CERS3: variants seen among roughly 807,000 people sequenced by gnomAD.
The protein encoded by CERS3 is ceramide synthase 3.
CERS3 carries 33 observed loss-of-function variants against 50.3 expected under a neutral mutation model. The observed-to-expected ratio is 0.66, with a 90% confidence interval of 0.50 to 0.88. The LOEUF (loss-of-function observed/expected upper bound fraction) is 0.88, where lower values mean the gene tolerates loss of function less well. Ranked by LOEUF, CERS3 falls within the 40% of genes least tolerant of loss-of-function variation. The pLI is 0.00. For missense variants in CERS3, 470 were observed against 460.3 expected (o/e 1.02, Z -0.19); for synonymous variants, 176 against 155.2 (o/e 1.13, Z -0.99).
intron 11 of CERS3, among the ~76,000 whole-genome samples, chr15:100,433,118 C>G (rs955992438): frequency 9.9e-5 from 15 of 151,912 alleles, no homozygotes; most frequent in Non-Finnish European, 1.9e-4. Context: ...TACCTGTAGT[C>G]CCAGCTGCTC....
upstream of CERS3, among the ~76,000 whole-genome samples, chr15:100,533,271 C>G (rs1014396844): frequency 6.6e-6 from 1 of 152,208 alleles, no homozygotes; most frequent in East Asian, 1.9e-4. Flanking sequence ...TACTGTATCT[C>G]TTATCTGCCT....
chr15:100,478,469 T>A (rs118117263), intron 7 of CERS3, among the ~76,000 whole-genome samples: 3,589 of 151,870 alleles, frequency 0.024, 61 homozygotes, highest in Middle Eastern at 0.092. Context: ...AGTATCAGTA[T>A]TTGGGCCAAT....
intron 4 of CERS3, among the ~76,000 whole-genome samples, chr15:100,486,143 T>C (rs1023224358): frequency 3.3e-5 from 5 of 152,162 alleles, no homozygotes; most frequent in African/African-American, 1.2e-4. Context: ...TCAAAGTAAA[T>C]TTAAACCAAT....
upstream of CERS3, among the ~76,000 whole-genome samples, chr15:100,530,837 C>G (rs982152453): frequency 2.0e-5 from 3 of 152,154 alleles, no homozygotes; most frequent in African/African-American, 4.8e-5. Flanking sequence ...AATCCCAGCA[C>G]TTTGGGAGGC....
chr15:100,541,030 T>C (rs1430219488), intron 1 of CERS3, among the ~76,000 whole-genome samples: 5 of 152,208 alleles, frequency 3.3e-5, no homozygotes, highest in African/African-American at 7.2e-5. Flanking sequence ...GTCCCTGCTT[T>C]CCAGCTACTG....
intron 11 of CERS3, among the ~76,000 whole-genome samples, chr15:100,414,584 T>C (rs940245645): frequency 2.6e-5 from 4 of 152,034 alleles, no homozygotes; most frequent in Non-Finnish European, 5.9e-5. Context: ...AACAGGCATA[T>C]AGACCAACAG....
intron 11 of CERS3, among the ~76,000 whole-genome samples, chr15:100,414,475 A>T (rs1212242788): frequency 1.3e-5 from 2 of 152,168 alleles, no homozygotes. Flanking sequence ...AGCCAAGACA[A>T]TCCTAAGCAA....
intron 5 of CERS3, 55 bp downstream of exon 5, chr15:100,484,495 C>G: frequency 8.3e-7 from 1 of 1,199,966 alleles, no homozygotes; most frequent in Non-Finnish European, 1.2e-6. Context: ...CTGCAAGGAC[C>G]ACTCAGCTCC....
At chr15:100,446,553 G>A (rs1436453386) in intron 11 of CERS3, among the ~76,000 whole-genome samples, 1 of 152,068 alleles carries the variant, frequency 6.6e-6, no homozygotes, top group Non-Finnish European at 1.5e-5. Context: ...TAATCAAAGA[G>A]TTGATTAAAA....
chr15:100,441,459 G>A (rs2033680048), intron 11 of CERS3, among the ~76,000 whole-genome samples: 1 of 151,362 alleles, frequency 6.6e-6, no homozygotes, highest in Admixed American at 6.6e-5. Context: ...CTTTTCTGGA[G>A]GGTAAAAACA....
intron 1 of CERS3, among the ~76,000 whole-genome samples, chr15:100,535,196 AT>A (rs1412661399): frequency 6.6e-6 from 1 of 152,198 alleles, no homozygotes. Flanking sequence ...TATTTAATTA[AT>A]TTTATTTTAT....
chr15:100,423,878 T>C (rs2032632241), intron 11 of CERS3, among the ~76,000 whole-genome samples: 1 of 152,024 alleles, frequency 6.6e-6, no homozygotes, highest in Admixed American at 6.6e-5. Flanking sequence ...CTGTACAGCC[T>C]GCAGAACCAT....
At chr15:100,494,255 A>ATATATATATG in intron 3 of CERS3, among the ~76,000 whole-genome samples, 1 of 14,766 alleles carries the variant, frequency 6.8e-5, no homozygotes, top group South Asian at 2.3e-3. Flanking sequence ...ATATATATAT[A>ATATATATATG]TATTTGTTTT....
At chr15:100,445,426 T>C (rs1435975287) in intron 11 of CERS3, among the ~76,000 whole-genome samples, 4 of 152,238 alleles carry the variant, frequency 2.6e-5, no homozygotes, top group Non-Finnish European at 5.9e-5. Flanking sequence ...GGCAAGGCTA[T>C]GCTGCACCTC....
intron 11 of CERS3, among the ~76,000 whole-genome samples, chr15:100,453,990 A>G (rs1040939597): frequency 3.9e-5 from 6 of 152,250 alleles, no homozygotes; most frequent in African/African-American, 7.2e-5. Context: ...TGAAGAGGAC[A>G]TAAACAAATG....
intron 7 of CERS3, among the ~76,000 whole-genome samples, chr15:100,477,735 T>C (rs765358263): frequency 5.3e-5 from 8 of 152,142 alleles, no homozygotes; most frequent in Non-Finnish European, 8.8e-5. Context: ...GTGACTGTAA[T>C]ATCAGAGTAC....
chr15:100,478,581 A>G (rs578109469), intron 7 of CERS3, among the ~76,000 whole-genome samples: 65 of 152,312 alleles, frequency 4.3e-4, no homozygotes, highest in African/African-American at 1.5e-3. Context: ...AAAAGGCATT[A>G]TGTTCAAAGA....
chr15:100,490,159 C>T (rs1248942011), intron 4 of CERS3, among the ~76,000 whole-genome samples: 2 of 152,114 alleles, frequency 1.3e-5, no homozygotes, highest in Non-Finnish European at 2.9e-5. Context: ...GGAGTGAACA[C>T]TAGACTTACT....
intron 4 of CERS3, among the ~76,000 whole-genome samples, chr15:100,486,255 T>C (rs2035479136): frequency 1.3e-5 from 2 of 152,216 alleles, no homozygotes; most frequent in African/African-American, 4.8e-5. Context: ...CTAGATTATC[T>C]TACATGTTCC....
Sources: gnomAD v4.1 joint callset for allele counts (sites outside exome capture counted in the v4.1 genomes callset) on GRCh38, gnomAD v4.1.1 for gene constraint, MANE v1.5 for transcripts, NCBI Gene and HGNC (gene_info 2026-07-23, HGNC 2026-07-21) for gene names.